PPM1H: variants seen among roughly 807,000 people sequenced by gnomAD.
PPM1H encodes the protein protein phosphatase, Mg2+/Mn2+ dependent 1H.
Under a neutral mutation model 54.9 loss-of-function variants are expected in PPM1H, and 27 were observed. The observed-to-expected ratio is 0.49, with a 90% CI of 0.36 to 0.68. The LOEUF (loss-of-function observed/expected upper bound fraction) is 0.68, where lower values mean the gene tolerates loss of function less well. Ranked by LOEUF, PPM1H falls within the 30% of genes least tolerant of loss-of-function variation. PPM1H has a pLI of 0.00. For missense variants in PPM1H, 596 were observed against 667.8 expected (o/e 0.89, Z 1.19); for synonymous variants, 305 against 270.8 (o/e 1.13, Z -1.24).
In PPM1H at chr12:62,900,531, G is replaced by GTAATAATAA. The variant is rs57828355; in HGVS notation, c.245+33952_245+33960dup. Among the ~76,000 whole-genome samples the GTAATAATAA allele has an allele frequency of 7.2e-3, 1,024 of 142,632 alleles. 14 individuals are homozygous for GTAATAATAA. Among genetic ancestry groups the GTAATAATAA allele is most frequent in the African/African-American group, 0.02 (751 of 38,386 alleles). The allele number at this position is 142,632 out of a possible 152,430, so 93.6% of individuals were successfully genotyped here. On this transcript the variant is annotated intron_variant, in intron 1 of 9. Transcript: ENST00000228705. Reference sequence around the variant, plus strand: ...GCACATGTACCCTAGAACTTAAAATGTAATAATAATAATAATAATAATAAA... The same window carrying GTAATAATAA: ...GCACATGTACCCTAGAACTTAAAATGTAATAATAATAATAATAATAATAATAATAATAAA...
At chr12:62,808,200 G>C (rs188095922) in intron 2 of PPM1H, among the ~76,000 whole-genome samples, 1 of 152,092 alleles carries the variant, frequency 6.6e-6, no homozygotes, top group Non-Finnish European at 1.5e-5. Context: ...ATATGAACTC[G>C]TTTAATCCTT....
intron 9 of PPM1H, among the ~76,000 whole-genome samples, chr12:62,654,024 C>G (rs1187091436): frequency 6.6e-6 from 1 of 151,890 alleles, no homozygotes; most frequent in Admixed American, 6.6e-5. Flanking sequence ...GGTGGATTAA[C>G]TCGGGCCCAG....
intron 5 of PPM1H, among the ~76,000 whole-genome samples, chr12:62,728,883 T>C (rs981574803): frequency 1.3e-5 from 2 of 152,210 alleles, no homozygotes; most frequent in African/African-American, 4.8e-5. Context: ...GCTTTGAGGT[T>C]ACTCAAAATT....
chr12:62,767,585 A>C (rs1299286896), intron 4 of PPM1H, among the ~76,000 whole-genome samples: 4 of 152,162 alleles, frequency 2.6e-5, no homozygotes, highest in African/African-American at 9.6e-5. Context: ...TTCAGCATGC[A>C]CTTCCAAAGC....
chr12:62,720,321 A>C (rs528018140), intron 5 of PPM1H, 32 bp from the exon 6 acceptor site: 2 of 1,463,830 alleles, frequency 1.4e-6, no homozygotes, highest in African/African-American at 2.8e-5. Flanking sequence ...AAAAACACAC[A>C]CATACACGTA....
chr12:62,752,795 T>C (rs1448724485), intron 4 of PPM1H, among the ~76,000 whole-genome samples: 2 of 152,272 alleles, frequency 1.3e-5, no homozygotes, highest in South Asian at 4.1e-4. Context: ...AGAGATAACA[T>C]ACATAATTTA....
intron 9 of PPM1H, among the ~76,000 whole-genome samples, chr12:62,661,569 G>A (rs1376545102): frequency 6.6e-6 from 1 of 152,114 alleles, no homozygotes; most frequent in African/African-American, 2.4e-5. Context: ...GCTAATTTTT[G>A]TATTTTTAGT....
chr12:62,688,736 C>T (rs917859013), intron 8 of PPM1H, among the ~76,000 whole-genome samples: 1 of 152,106 alleles, frequency 6.6e-6, no homozygotes, highest in African/African-American at 2.4e-5. Context: ...TAGCTCACGC[C>T]TATAATCTCA....
At chr12:62,812,240 C>T (rs558298070) in intron 2 of PPM1H, among the ~76,000 whole-genome samples, 3 of 152,290 alleles carry the variant, frequency 2.0e-5, no homozygotes, top group South Asian at 2.1e-4. Flanking sequence ...ATTACTCTTC[C>T]GGAAGCTTCA....
At chr12:62,801,175 C>T (rs1382644574) in intron 3 of PPM1H, among the ~76,000 whole-genome samples, 1 of 152,214 alleles carries the variant, frequency 6.6e-6, no homozygotes, top group Non-Finnish European at 1.5e-5. Context: ...ACTTTATACA[C>T]ATCTGTAAAA....
rs1379204377 is a variant in PPM1H, at chr12:62,878,975, G to T, written c.246-46696C>A. ...AAAAAAAGAAAACTACTGATTGAAG[G>T]TATCTGTGAGATAAAAATATTTTCC... On this transcript the variant is annotated intron_variant, in intron 1 of 9. Coordinates refer to ENST00000228705, the MANE Select transcript of PPM1H (RefSeq NM_020700.2). Among the ~76,000 whole-genome samples, 4 of 152,280 alleles carry T rather than the reference G, an allele frequency of 2.6e-5. No homozygotes were observed. In the East Asian group the frequency reaches 7.7e-4, roughly 29 times the overall value.
chr12:62,868,990 C>A (rs1869882715), intron 1 of PPM1H, among the ~76,000 whole-genome samples: 1 of 152,194 alleles, frequency 6.6e-6, no homozygotes, highest in South Asian at 2.1e-4. Flanking sequence ...GAACCACTCA[C>A]TGTACCCACT....
chr12:62,908,371 C>A (rs1392220007), intron 1 of PPM1H, among the ~76,000 whole-genome samples: 2 of 136,570 alleles, frequency 1.5e-5, no homozygotes, highest in African/African-American at 5.6e-5. Flanking sequence ...CATGCCACTG[C>A]ACTCCAGCCT....
intron 1 of PPM1H, among the ~76,000 whole-genome samples, chr12:62,871,511 CTTT>C (rs375570472): frequency 1.2e-3 from 137 of 119,104 alleles, no homozygotes; most frequent in East Asian, 5.6e-3. Flanking sequence ...AACTGTGGTA[CTTT>C]TTTTTTTTTT....
At chr12:62,931,424 T>C (rs1464143970) in intron 1 of PPM1H, among the ~76,000 whole-genome samples, 1 of 152,234 alleles carries the variant, frequency 6.6e-6, no homozygotes, top group Admixed American at 6.5e-5. Context: ...CCTACTTGTC[T>C]TTCTCTTTCC....
At chr12:62,760,325 T>C (rs576354651) in intron 4 of PPM1H, among the ~76,000 whole-genome samples, 4 of 152,248 alleles carry the variant, frequency 2.6e-5, no homozygotes, top group African/African-American at 9.6e-5. Context: ...CTCCCACCTG[T>C]CCCTTCAGTC....
intron 1 of PPM1H, among the ~76,000 whole-genome samples, chr12:62,921,176 G>A (rs1203113274): frequency 6.6e-6 from 1 of 151,974 alleles, no homozygotes; most frequent in Admixed American, 6.6e-5. Context: ...CCACCCGCCC[G>A]CCTCGGCCTC....
chr12:62,740,747 A>T (rs1307227684), intron 4 of PPM1H, among the ~76,000 whole-genome samples: 1 of 152,212 alleles, frequency 6.6e-6, no homozygotes, highest in Non-Finnish European at 1.5e-5. Flanking sequence ...GGTCCAGCGC[A>T]AAATGAAAAC....
chr12:62,923,284 T>A (rs1422360399), intron 1 of PPM1H, among the ~76,000 whole-genome samples: 1 of 152,230 alleles, frequency 6.6e-6, no homozygotes. Context: ...CACACACAGA[T>A]AAATGATAAA....
Sources: gnomAD v4.1 joint callset for allele counts (sites outside exome capture counted in the v4.1 genomes callset) on GRCh38, gnomAD v4.1.1 for gene constraint, MANE v1.5 for transcripts, NCBI Gene and HGNC (gene_info 2026-07-23, HGNC 2026-07-21) for gene names.